FZD3: variants seen among roughly 807,000 people sequenced by gnomAD.
FZD3 encodes the protein frizzled class receptor 3, also known as frizzled-3.
A neutral mutation model predicts 60.7 loss-of-function variants in FZD3; 30 were observed. The observed-to-expected ratio is 0.49, with a 90% confidence interval of 0.37 to 0.67. FZD3 has a LOEUF of 0.67. FZD3 is among the 30% of genes least tolerant of loss of function. The pLI, the probability that FZD3 is intolerant of heterozygous loss-of-function variation, is 0.00. For missense variants in FZD3, 605 were observed against 838.7 expected (o/e 0.72, Z 3.44); for synonymous variants, 246 against 275.2 (o/e 0.89, Z 1.05).
chr8:28,528,667 AT>A (rs1303917264), intron 5 of FZD3, among the ~76,000 whole-genome samples: 1 of 152,168 alleles, frequency 6.6e-6, no homozygotes, highest in African/African-American at 2.4e-5. Context: ...TCTTAGAATT[AT>A]GGAATTTTAA....
chr8:28,560,723 AG>A, intron 7 of FZD3, among the ~76,000 whole-genome samples: 1 of 152,314 alleles, frequency 6.6e-6, no homozygotes, highest in African/African-American at 2.4e-5. Flanking sequence ...GAAGCCATTG[AG>A]AGGTGAAAGA....
In FZD3 at chr8:28,574,216, T is replaced by C. The variant is rs537018773; in HGVS notation, c.*11205T>C. ...ATTTTAAATGTAGTGGTTGTATATT[T>C]TGGTTATAAATTGGAGATTTTTAAT... On this transcript the variant is annotated 3_prime_UTR_variant, in exon 8 of 8. Transcript: ENST00000240093. 1.3e-5 allele frequency: 2 copies of C among 152,330 alleles called. No homozygotes were observed. Among genetic ancestry groups the C allele is most frequent in the Non-Finnish European group, 2.9e-5 (2 of 68,010 alleles). The allele number at this position is 152,330 out of a possible 1,614,324, so 9.4% of individuals were successfully genotyped here.
intron 3 of FZD3, among the ~76,000 whole-genome samples, chr8:28,519,128 G>C (rs1342696284): frequency 6.6e-6 from 1 of 152,208 alleles, no homozygotes; most frequent in African/African-American, 2.4e-5. Context: ...TGTATAGGAG[G>C]CTCTGGAAAA....
intron 3 of FZD3, among the ~76,000 whole-genome samples, chr8:28,505,411 G>A (rs934575882): frequency 2.0e-5 from 3 of 151,722 alleles, no homozygotes; most frequent in African/African-American, 7.3e-5. Context: ...GAGTGCTGTT[G>A]TGCAATCATG....
At chr8:28,507,993 A>G (rs1245250131) in intron 3 of FZD3, among the ~76,000 whole-genome samples, 2 of 152,006 alleles carry the variant, frequency 1.3e-5, no homozygotes, top group East Asian at 3.9e-4. Flanking sequence ...CTAAGCTCAA[A>G]CAATCCCCCT....
Position 28,563,196 on chromosome 8 carries a change from A to G in FZD3, c.*185A>G, listed in dbSNP as rs1805647142. 4 of 567,670 alleles carry G rather than the reference A, an allele frequency of 7.0e-6. No individual in the cohort carries two copies. The highest frequency in any genetic ancestry group is 1.3e-5 in the Non-Finnish European group (4 of 315,416). 35.2% of individuals were successfully genotyped at this position (567,670 alleles called of 1,614,324 possible). A position where few individuals can be genotyped will look rare whatever the true frequency, so the allele number is the denominator to read the frequency against. ...CAAACTTGGAACATCAAGGCATCCA[A>G]AACACTAAGAATTCTATCATCACAA... On this transcript the variant is annotated 3_prime_UTR_variant, in exon 8 of 8. Transcript: ENST00000240093.
At position 28,533,714 on chromosome 8, in the gene FZD3, C is replaced by T. The variant is rs565071640; in HGVS notation, c.1404+5550C>T. The stretch of plus-strand genomic sequence containing the variant: ...AGCTGATGGAAAGGGATGTTTTTTA[C>T]CCTAACATCTCATGGGTTAGTAACA... On this transcript the variant is annotated intron_variant, in intron 5 of 7. Transcript: ENST00000240093. 1.8e-3 allele frequency among the ~76,000 whole-genome samples: 280 copies of T among 152,244 alleles called. 1 individual carries two copies. Among genetic ancestry groups the T allele is most frequent in the South Asian group, 0.01 (49 of 4,820 alleles).
At chr8:28,562,728 G>T in intron 7 of FZD3, 70 bp from the exon 8 acceptor site, 1 of 954,564 alleles carries the variant, frequency 1.0e-6, no homozygotes, top group South Asian at 1.4e-5. Context: ...GCATTTTTAT[G>T]AAAATTATTA....
At chr8:28,510,802 C>T (rs776254868) in intron 3 of FZD3, among the ~76,000 whole-genome samples, 26 of 151,836 alleles carry the variant, frequency 1.7e-4, no homozygotes, top group Non-Finnish European at 3.5e-4. Flanking sequence ...TTTGGGAGGC[C>T]GAGGCGGGCG....
chr8:28,532,595 C>CT (rs58957281), intron 5 of FZD3, among the ~76,000 whole-genome samples: 202 of 145,090 alleles, frequency 1.4e-3, no homozygotes, highest in African/African-American at 1.7e-3. Context: ...GCTTGGCTAA[C>CT]TTTTTTTTTT....
At chr8:28,511,578 T>C (rs1348167194) in intron 3 of FZD3, among the ~76,000 whole-genome samples, 1 of 152,232 alleles carries the variant, frequency 6.6e-6, no homozygotes, top group East Asian at 1.9e-4. Context: ...GGCTTCTACT[T>C]ACTTAGCATT....
rs769617752 is a variant in FZD3, at chr8:28,571,930, T to G, written c.*8919T>G. On this transcript the variant is annotated 3_prime_UTR_variant, in exon 8 of 8. Transcript: ENST00000240093. ...AATACTTTTTTGTATTTTAATCTGA[T>G]AGTGAATTTGGGGATTATTTATGTA... 2.0e-5 allele frequency: 3 copies of G among 152,202 alleles called. No individual in the cohort carries two copies. The highest frequency in any genetic ancestry group is 4.4e-5 in the Non-Finnish European group (3 of 68,028). The allele number at this position is 152,202 out of a possible 1,614,324, so 9.4% of individuals were successfully genotyped here.
rs1022871272 is a variant in FZD3 at position 28,563,914 on chromosome 8, T to A, written c.*903T>A. ...TTACAAAATGGCAAAACATTTTCTCTGTATTCATTGTTGTATTTTTCTACA... is the reference window on the plus strand; with the variant it reads ...TTACAAAATGGCAAAACATTTTCTCAGTATTCATTGTTGTATTTTTCTACA... On this transcript the variant is annotated 3_prime_UTR_variant, in exon 8 of 8. Transcript: ENST00000240093. The A allele has an allele frequency of 6.5e-6, 1 of 152,690 alleles. No homozygotes were observed. The highest frequency in any genetic ancestry group is 6.5e-5 in the Admixed American group (1 of 15,290). 9.5% of individuals were successfully genotyped at this position (152,690 alleles called of 1,614,324 possible). A position where few individuals can be genotyped will look rare whatever the true frequency, so the allele number is the denominator to read the frequency against.
intron 4 of FZD3, among the ~76,000 whole-genome samples, chr8:28,524,136 C>CTAAG (rs1804655762): frequency 6.6e-6 from 1 of 152,132 alleles, no homozygotes; most frequent in African/African-American, 2.4e-5. Flanking sequence ...ACAAAATGGA[C>CTAAG]TAAGACAGCA....
intron 3 of FZD3, among the ~76,000 whole-genome samples, chr8:28,506,194 AAG>A (rs1008254802): frequency 1.5e-4 from 23 of 152,216 alleles, no homozygotes; most frequent in Non-Finnish European, 2.8e-4. Context: ...GTGGTAATAA[AAG>A]AGATCTGGGC....
rs765849125 is a variant in FZD3 at position 28,555,746 on chromosome 8, A to G, written c.1562A>G (p.Asn521Ser). The change falls in exon 7 of 8, where the codon AAT becomes AGT. Residue 521 changes from asparagine to serine, a missense_variant. Physicochemically the swap from Asn to Ser is conservative, Grantham distance 46. Coordinates refer to ENST00000240093, the MANE Select transcript of FZD3 (RefSeq NM_017412.4). ...ACTATTTTGTTGTCTAGGATAGTGA[A>G]TGAGAGCCGACAGGTACTCCAGGAA... ...FHGRRKKEIVNESRQVLQEPD... is the reference protein window; with the variant it reads ...FHGRRKKEIVSESRQVLQEPD... 1.3e-6 allele frequency: 2 copies of G among 1,598,092 alleles called. No homozygotes were observed. Among genetic ancestry groups the G allele is most frequent in the South Asian group, 2.2e-5 (2 of 90,760 alleles).
At chr8:28,546,128 G>T (rs1046912639) in intron 5 of FZD3, among the ~76,000 whole-genome samples, 1 of 152,164 alleles carries the variant, frequency 6.6e-6, no homozygotes, top group Non-Finnish European at 1.5e-5. Flanking sequence ...TGATATTCGC[G>T]CAATGACAAA....
At chr8:28,507,394 G>A (rs1804169287) in intron 3 of FZD3, among the ~76,000 whole-genome samples, 1 of 152,130 alleles carries the variant, frequency 6.6e-6, no homozygotes. Flanking sequence ...GATTAGACAC[G>A]AGTTTGGTTT....
At chr8:28,536,101 A>G (rs1220201691) in intron 5 of FZD3, among the ~76,000 whole-genome samples, 4 of 152,230 alleles carry the variant, frequency 2.6e-5, no homozygotes, top group African/African-American at 4.8e-5. Context: ...TGCACAAAGT[A>G]AAATTTCGAT....
Sources: gnomAD v4.1 joint callset for allele counts (sites outside exome capture counted in the v4.1 genomes callset) on GRCh38, gnomAD v4.1.1 for gene constraint, MANE v1.5 for transcripts, NCBI Gene and HGNC (gene_info 2026-07-23, HGNC 2026-07-21) for gene names.